The following SEMA5A variants were observed in gnomAD, a reference collection of about 807,000 sequenced individuals.
SEMA5A encodes the protein semaphorin 5A.
Under a neutral mutation model 135.5 loss-of-function variants are expected in SEMA5A, and 55 were observed. That is an observed-to-expected ratio of 0.41 (90% CI 0.33 to 0.51). The LOEUF is 0.51. Among genes scored for constraint, SEMA5A ranks in the 20% least tolerant of loss-of-function variants. The probability of loss-of-function intolerance (pLI) is 0.37; values close to 1 mark genes in which losing one functional copy is unlikely to be tolerated. For synonymous variants in SEMA5A, 580 were observed against 546.5 expected (o/e 1.06, Z -0.85); for missense variants, 1,290 against 1,419.9 (o/e 0.91, Z 1.47).
intron 12 of SEMA5A, among the ~76,000 whole-genome samples, chr5:9,150,962 C>T (rs1193591175): frequency 6.6e-6 from 1 of 152,126 alleles, no homozygotes; most frequent in African/African-American, 2.4e-5. Flanking sequence ...ACCGGGGCAG[C>T]AGAAACAACC....
At chr5:9,477,660 T>G (rs1053066560) in intron 1 of SEMA5A, among the ~76,000 whole-genome samples, 3 of 152,206 alleles carry the variant, frequency 2.0e-5, no homozygotes, top group Admixed American at 1.3e-4. Flanking sequence ...TTAGGGTATC[T>G]GTCAGAAGAA....
chr5:9,545,528 G>A lies in SEMA5A; in HGVS notation c.-175+56C>T, dbSNP rs867672124. 2 of 152,300 alleles carry A rather than the reference G, an allele frequency of 1.3e-5. No individual in the cohort carries two copies. The highest frequency in any genetic ancestry group is 2.1e-4 in the South Asian group (1 of 4,812). The allele number at this position is 152,300 out of a possible 1,614,324, so 9.4% of individuals were successfully genotyped here. A position where few individuals can be genotyped will look rare whatever the true frequency, so the allele number is the denominator to read the frequency against. ...CCCGGCCAGCGGCGCGGCGCGGCGC[G>A]GCGCGGTCAGGGGCTCCTGCCAAGG... On this transcript the variant is annotated intron_variant, in intron 1 of 22. Transcript: ENST00000382496. This position sits in a 1 kb window ranked among gnomAD's most constrained non-coding sequence, Gnocchi z 4.5.
intron 2 of SEMA5A, among the ~76,000 whole-genome samples, chr5:9,384,683 G>GATAGATAGAT: frequency 8.8e-6 from 1 of 113,132 alleles, no homozygotes. Flanking sequence ...GATATAGATA[G>GATAGATAGAT]ATAGATAGAT....
intron 17 of SEMA5A, among the ~76,000 whole-genome samples, chr5:9,065,252 GGGCCTCCA>G (rs376210393): frequency 6.6e-5 from 10 of 152,304 alleles, no homozygotes; most frequent in African/African-American, 2.4e-4. Flanking sequence ...TGCACCTGCT[GGGCCTCCA>G]GGCATCCAGG....
At chr5:9,418,086 C>T (rs1287100790) in intron 2 of SEMA5A, among the ~76,000 whole-genome samples, 1 of 151,986 alleles carries the variant, frequency 6.6e-6, no homozygotes, top group Non-Finnish European at 1.5e-5. Flanking sequence ...ACGCCATTCT[C>T]CTGCCTCAGC....
At chr5:9,207,963 T>A (rs550414711) in intron 8 of SEMA5A, among the ~76,000 whole-genome samples, 1 of 152,272 alleles carries the variant, frequency 6.6e-6, no homozygotes, top group South Asian at 2.1e-4. Flanking sequence ...TCTGTGTATA[T>A]GTGTGTATCA....
intron 2 of SEMA5A, among the ~76,000 whole-genome samples, chr5:9,393,846 G>A (rs1020760325): frequency 2.0e-5 from 3 of 152,090 alleles, no homozygotes; most frequent in Admixed American, 6.5e-5. Context: ...GCTCATAGCA[G>A]CATTGTTCAT....
chr5:9,384,683 G>GATAGAT lies in SEMA5A; in HGVS notation c.-77-4666_-77-4661dup, dbSNP rs1554028702. 1.4e-3 allele frequency among the ~76,000 whole-genome samples: 153 copies of GATAGAT among 113,052 alleles called. 9 individuals are homozygous for GATAGAT. Among genetic ancestry groups the GATAGAT allele is most frequent in the African/African-American group, 4.3e-3 (104 of 24,056 alleles). 74.2% of individuals were successfully genotyped at this position (113,052 alleles called of 152,430 possible). Reference sequence around the variant, plus strand: ...AGATATAGATAGATAGATATAGATAGATAGATAGATAGATAGATAGATAGA... The same window carrying GATAGAT: ...AGATATAGATAGATAGATATAGATAGATAGATATAGATAGATAGATAGATAGATAGA... On this transcript the variant is annotated intron_variant, in intron 2 of 22. Transcript: ENST00000382496.
chr5:9,456,001 A>G (rs182734787), intron 1 of SEMA5A, among the ~76,000 whole-genome samples: 233 of 152,324 alleles, frequency 1.5e-3, no homozygotes, highest in African/African-American at 5.2e-3. Flanking sequence ...AAGGGATGAA[A>G]AGAATTTCAG....
chr5:9,101,437 C>T (rs1739626706), intron 16 of SEMA5A, among the ~76,000 whole-genome samples: 3 of 152,208 alleles, frequency 2.0e-5, no homozygotes, highest in Admixed American at 6.5e-5. Flanking sequence ...GAATTCCTCA[C>T]TCATTCCCTA....
chr5:9,207,609 CA>C (rs1239606821), intron 8 of SEMA5A, among the ~76,000 whole-genome samples: 1 of 152,256 alleles, frequency 6.6e-6, no homozygotes, highest in East Asian at 1.9e-4. Flanking sequence ...TCAGTCAGTA[CA>C]AAATGCCTTC....
intron 8 of SEMA5A, among the ~76,000 whole-genome samples, chr5:9,207,900 C>G (rs6865683): frequency 2.8e-3 from 49 of 17,766 alleles, no homozygotes; most frequent in African/African-American, 7.1e-3. Context: ...TAGATAGATA[C>G]ATAGATAGAT....
chr5:9,516,555 T>C (rs1172898067), intron 1 of SEMA5A: 1 of 151,912 alleles, frequency 6.6e-6, no homozygotes, highest in African/African-American at 2.4e-5. Flanking sequence ...AGAGAATCCT[T>C]TGTCATCCCA....
chr5:9,488,219 G>C (rs1227087933), intron 1 of SEMA5A, among the ~76,000 whole-genome samples: 1 of 152,118 alleles, frequency 6.6e-6, no homozygotes, highest in Non-Finnish European at 1.5e-5. Context: ...GGCTTCTCGA[G>C]TTTCAGGCTG....
chr5:9,248,042 C>G (rs1561068752), intron 5 of SEMA5A, among the ~76,000 whole-genome samples: 1 of 151,982 alleles, frequency 6.6e-6, no homozygotes, highest in Non-Finnish European at 1.5e-5. Context: ...GTGGTTTTGC[C>G]ATTTATTTCT....
At chr5:9,412,147 G>A (rs1397509648) in intron 2 of SEMA5A, among the ~76,000 whole-genome samples, 2 of 152,028 alleles carry the variant, frequency 1.3e-5, no homozygotes, top group Non-Finnish European at 2.9e-5. Context: ...CTAAATCCAT[G>A]CAAAGTGTTC....
intron 16 of SEMA5A, among the ~76,000 whole-genome samples, chr5:9,107,456 G>A (rs913808451): frequency 2.6e-5 from 4 of 152,040 alleles, no homozygotes; most frequent in African/African-American, 9.7e-5. Flanking sequence ...CAGTCCCCAG[G>A]GTGTGTCCGG....
At chr5:9,320,298 C>T (rs895439461) in intron 4 of SEMA5A, among the ~76,000 whole-genome samples, 1 of 152,200 alleles carries the variant, frequency 6.6e-6, no homozygotes, top group African/African-American at 2.4e-5. Flanking sequence ...TTCCCCTGTC[C>T]TTTATTATAA....
intron 2 of SEMA5A, among the ~76,000 whole-genome samples, chr5:9,421,425 G>A (rs1757463839): frequency 6.6e-6 from 1 of 152,088 alleles, no homozygotes; most frequent in African/African-American, 2.4e-5. Flanking sequence ...CAGTAAAAAA[G>A]CTTCTATAAA....
Sources: gnomAD v4.1 joint callset for allele counts (sites outside exome capture counted in the v4.1 genomes callset) on GRCh38, gnomAD v4.1.1 for gene constraint, Gnocchi (gnomAD v3.1) non-coding constraint, MANE v1.5 for transcripts, NCBI Gene and HGNC (gene_info 2026-07-23, HGNC 2026-07-21) for gene names.